The following BBS7 variants were observed in gnomAD, a reference collection of about 807,000 sequenced individuals.
BBS7 encodes the protein BBSome complex member BBS7.
Under a neutral mutation model 90.3 loss-of-function variants are expected in BBS7, and 50 were observed. That is an observed-to-expected ratio of 0.55 (90% CI 0.44 to 0.70). BBS7 has a LOEUF of 0.70. Ranked by LOEUF, BBS7 falls within the 30% of genes least tolerant of loss-of-function variation. The pLI is 0.00. For synonymous variants in BBS7, 235 were observed against 287.4 expected, an observed-to-expected ratio of 0.82 and a Z score of 1.85; for missense variants, 729 against 838.9, an observed-to-expected ratio of 0.87 and a Z score of 1.62.
In BBS7 at chr4:121,855,459, T is replaced by C. The variant is rs544268902; in HGVS notation, c.601+30A>G. The stretch of plus-strand genomic sequence containing the variant: ...TTTCACTTACTATTAAAACACATAG[T>C]TGATTTGTGAAAAATAAAATCCTGA... On this transcript the variant is annotated intron_variant, in intron 6 of 18. Transcript: ENST00000264499. 18 of 1,585,736 alleles carry C rather than the reference T, an allele frequency of 1.1e-5. No individual in the cohort carries two copies. The South Asian group carries it at 1.9e-4, about 17-fold the overall frequency.
At chr4:121,850,726 A>C (rs2149074851) in intron 8 of BBS7, among the ~76,000 whole-genome samples, 1 of 152,282 alleles carries the variant, frequency 6.6e-6, no homozygotes, top group South Asian at 2.1e-4. Flanking sequence ...TTAGCAGGCA[A>C]GGCTGAGAAC....
intron 10 of BBS7, 75 bp from the exon 11 acceptor site, chr4:121,845,771 T>A: frequency 7.3e-7 from 1 of 1,377,520 alleles, no homozygotes; most frequent in Non-Finnish European, 1.0e-6. Flanking sequence ...TACAAAAATT[T>A]GAGACATTTG....
Position 121,861,622 on chromosome 4 carries a change from T to C in BBS7, c.223A>G (p.Ile75Val), listed in dbSNP as rs138872188. Reference sequence around the variant, plus strand: ...AAAATTTTCTCCTGAGGTGTGTTGATAACCCCTCCCAGTTCCAGCCTTGCA... The same window carrying C: ...AAAATTTTCTCCTGAGGTGTGTTGACAACCCCTCCCAGTTCCAGCCTTGCA... ...KIARLELGGV[I>V]NTPQEKIFIA... Residue 75 changes from isoleucine to valine, a missense_variant, in exon 4 of 19, where the codon ATC (isoleucine) becomes GTC (valine). By Grantham distance (29) the Ile-to-Val change is conservative. Transcript: ENST00000264499. 6.3e-5 allele frequency: 102 copies of C among 1,613,860 alleles called. No individual in the cohort carries two copies. The African/African-American group carries it at 1.0e-3, about 16-fold the overall frequency.
intron 14 of BBS7, among the ~76,000 whole-genome samples, 167 bp from the exon 15 acceptor site, chr4:121,833,562 GA>G (rs1165091294): frequency 1.3e-5 from 2 of 151,838 alleles, no homozygotes; most frequent in East Asian, 1.9e-4. Flanking sequence ...TCAATTTCAT[GA>G]AAAAAAATCG....
At chr4:121,867,014 T>C (rs1727317936) in intron 2 of BBS7, among the ~76,000 whole-genome samples, 2 of 152,230 alleles carry the variant, frequency 1.3e-5, no homozygotes, top group Admixed American at 1.3e-4. Flanking sequence ...TAGATTGCTT[T>C]GGGTTGTATT....
intron 5 of BBS7, 121 bp downstream of exon 5, chr4:121,858,871 T>G: frequency 1.1e-6 from 1 of 883,704 alleles, no homozygotes; most frequent in Non-Finnish European, 1.7e-6. Context: ...ATTTAAAAAT[T>G]GTTTCCACAT....
At position 121,855,540 on chromosome 4, in the gene BBS7, C is replaced by T. The variant is rs2149080320; in HGVS notation, c.550G>A (p.Val184Ile). The change falls in exon 6 of 19, where the codon GTT (valine) becomes ATT (isoleucine). Residue 184 changes from valine to isoleucine, a missense_variant. Val to Ile is a conservative substitution (Grantham distance 29). Coordinates refer to ENST00000264499, the MANE Select transcript of BBS7 (RefSeq NM_176824.3). ...VLQGSDVMYA[V>I]EVPGPPTVLA... ...ACAGTAGGGGGTCCAGGAACTTCAA[C>T]TGCATACATCACATCAGATCCCTGA... is the stretch of plus-strand genomic sequence containing the variant. 1.9e-6 allele frequency: 3 copies of T among 1,613,588 alleles called. No homozygotes were observed. Among genetic ancestry groups the T allele is most frequent in the Non-Finnish European group, 2.5e-6 (3 of 1,179,688 alleles).
At chr4:121,860,803 T>C (rs1184866017) in intron 4 of BBS7, among the ~76,000 whole-genome samples, 1 of 152,152 alleles carries the variant, frequency 6.6e-6, no homozygotes, top group African/African-American at 2.4e-5. Context: ...CTGAATCAGT[T>C]GTTTCTAGCC....
At chr4:121,847,545 G>A in intron 9 of BBS7, 39 bp from the exon 10 acceptor site, 1 of 1,377,122 alleles carries the variant, frequency 7.3e-7, no homozygotes, top group South Asian at 1.2e-5. Flanking sequence ...ACTTAGTACT[G>A]CTAGTGTTAA....
At chr4:121,830,377 G>T (rs1246949946) in intron 15 of BBS7, among the ~76,000 whole-genome samples, 1 of 152,088 alleles carries the variant, frequency 6.6e-6, no homozygotes, top group Non-Finnish European at 1.5e-5. Flanking sequence ...CTCCAGCCTG[G>T]GCTGATGAGT....
intron 11 of BBS7, 103 bp downstream of exon 11, chr4:121,845,401 A>T (rs1001583435): frequency 4.6e-6 from 3 of 651,612 alleles, no homozygotes; most frequent in Non-Finnish European, 7.3e-6. Context: ...AATAAAATAA[A>T]ATTACTGTCT....
Position 121,854,818 on chromosome 4 carries a change from C to A in BBS7, c.604G>T (p.Asp202Tyr). ...VLALHNGNGG[D>Y]SGEDLLFGTS... ...CCAAACAAAAGGTCTTCTCCAGAGT[C>A]ACCTACTTATAATTAAAGTCAACAT... The change falls in exon 7 of 19, where the codon GAC (aspartate) becomes TAC (tyrosine). Residue 202 changes from aspartate (D) to tyrosine (Y), a missense_variant and splice_region_variant. Physicochemically the swap from Asp to Tyr is radical, Grantham distance 160 (BLOSUM62 -3). Transcript: ENST00000264499. 6.2e-7 allele frequency: 1 copy of A among 1,610,916 alleles called. No individual in the cohort carries two copies. Among genetic ancestry groups the A allele is most frequent in the South Asian group, 1.1e-5 (1 of 90,674 alleles).
chr4:121,869,756 C>T (rs956542708), intron 1 of BBS7, among the ~76,000 whole-genome samples: 2 of 152,158 alleles, frequency 1.3e-5, no homozygotes, highest in Non-Finnish European at 2.9e-5. Context: ...CTAGGCTGGT[C>T]TCGAACTGCT....
intron 11 of BBS7, 37 bp downstream of exon 11, chr4:121,845,467 C>G (rs778146882): frequency 2.0e-6 from 3 of 1,521,764 alleles, no homozygotes; most frequent in Non-Finnish European, 2.7e-6. Context: ...CAAAATAGAT[C>G]CAGTCATAAA....
chr4:121,853,121 G>C, intron 7 of BBS7, 35 bp from the exon 8 acceptor site: 1 of 1,599,852 alleles, frequency 6.3e-7, no homozygotes, highest in East Asian at 2.2e-5. Flanking sequence ...TTATTAAGAA[G>C]ACTAATAGTT....
chr4:121,854,859 C>T, intron 6 of BBS7, 39 bp from the exon 7 acceptor site: 1 of 1,545,660 alleles, frequency 6.5e-7, no homozygotes, highest in Non-Finnish European at 8.9e-7. Context: ...ATTTATCCTA[C>T]AATTAGTAAT....
chr4:121,833,624 G>A (rs1199534498), intron 14 of BBS7, among the ~76,000 whole-genome samples: 2 of 152,068 alleles, frequency 1.3e-5, no homozygotes, highest in African/African-American at 2.4e-5. Flanking sequence ...AGTGATATAT[G>A]TAAACAGGTT....
intron 12 of BBS7, among the ~76,000 whole-genome samples, chr4:121,840,922 C>G (rs1017835069): frequency 1.3e-5 from 2 of 151,410 alleles, no homozygotes; most frequent in Non-Finnish European, 2.9e-5. Context: ...AATGTAACCT[C>G]TGCCTCCTGG....
chr4:121,828,153 T>C lies in BBS7; in HGVS notation c.2007A>G (p.Arg669=). 6.2e-7 allele frequency: 1 copy of C among 1,613,658 alleles called. No homozygotes were observed. Among genetic ancestry groups the C allele is most frequent in the Non-Finnish European group, 8.5e-7 (1 of 1,179,820 alleles). ...EYKKQPAHLE[R]LYGMITDLFI... is the part of the protein sequence containing the mutation. ...CTAGAATGGTCCACTAACCATAGAGTCTTTCAAGATGTGCAGGTTGCTTTT... is the reference window on the plus strand; with the variant it reads ...CTAGAATGGTCCACTAACCATAGAGCCTTTCAAGATGTGCAGGTTGCTTTT... Residue 669 remains arginine, a synonymous_variant, in exon 18 of 19, where the codon AGA becomes AGG. Transcript: ENST00000264499.
Sources: allele counts gnomAD v4.1 joint callset (sites outside exome capture counted in the v4.1 genomes callset), GRCh38; gene constraint gnomAD v4.1.1; transcripts MANE v1.5; gene names NCBI Gene and HGNC (gene_info 2026-07-23, HGNC 2026-07-21).